The following DPP10 variants were observed in gnomAD, a reference collection of about 807,000 sequenced individuals.
The protein encoded by DPP10 is dipeptidyl peptidase like 10.
In DPP10, 33 loss-of-function variants were observed where a neutral mutation model predicts 120.9. The observed-to-expected ratio is 0.27, with a 90% CI of 0.21 to 0.37. The LOEUF (loss-of-function observed/expected upper bound fraction) is 0.37, where lower values mean the gene tolerates loss of function less well. DPP10 is among the 10% of genes least tolerant of loss of function. DPP10 has a pLI of 1.00. For synonymous variants in DPP10, 337 were observed against 326.1 expected (o/e 1.03, Z -0.36); for missense variants, 816 against 942.8 (o/e 0.87, Z 1.76).
intron 1 of DPP10, among the ~76,000 whole-genome samples, chr2:115,165,908 G>T (rs983812360): frequency 2.6e-5 from 4 of 152,152 alleles, no homozygotes; most frequent in Non-Finnish European, 1.5e-5. Context: ...GACAGCACTT[G>T]TTATGCATTT....
chr2:115,316,020 A>C lies in DPP10; in HGVS notation c.175+6667A>C, dbSNP rs556898277. Among the ~76,000 whole-genome samples the C allele has an allele frequency of 3.3e-4, 51 of 152,330 alleles. 1 individual carries two copies. In the East Asian group the frequency reaches 9.4e-3, roughly 28 times the overall value. On this transcript the variant is annotated intron_variant, in intron 2 of 25. Transcript: ENST00000410059. Reference sequence around the variant, plus strand: ...TTACTCTCATAATGTTAGAGTGTCCAGTCAGATAAATGATGAATTTGGTTT... The same window carrying C: ...TTACTCTCATAATGTTAGAGTGTCCCGTCAGATAAATGATGAATTTGGTTT...
intron 1 of DPP10, among the ~76,000 whole-genome samples, chr2:115,273,025 C>CT (rs113745670): frequency 0.073 from 10,808 of 147,276 alleles, 1,229 homozygotes; most frequent in African/African-American, 0.25. Flanking sequence ...TCAGGAAAAA[C>CT]TTTTTTTTTT....
intron 12 of DPP10, among the ~76,000 whole-genome samples, chr2:115,766,863 C>T (rs1680822669): frequency 2.0e-5 from 3 of 152,150 alleles, no homozygotes; most frequent in African/African-American, 4.8e-5. Context: ...CACTCACTGT[C>T]ATGAGACAGC....
intron 1 of DPP10, among the ~76,000 whole-genome samples, chr2:114,871,902 T>C (rs559831140): frequency 1.3e-5 from 2 of 152,276 alleles, no homozygotes; most frequent in Admixed American, 6.5e-5. Context: ...TAGATTCTCA[T>C]AGGAGTGTGG....
intron 8 of DPP10, among the ~76,000 whole-genome samples, chr2:115,733,593 A>G (rs922900612): frequency 1.5e-5 from 1 of 66,926 alleles, no homozygotes; most frequent in African/African-American, 7.4e-5. Flanking sequence ...GAAAATTGAA[A>G]AAAAAAAAAA....
At chr2:115,240,822 CA>C (rs1469432427) in intron 1 of DPP10, among the ~76,000 whole-genome samples, 2 of 152,104 alleles carry the variant, frequency 1.3e-5, no homozygotes, top group African/African-American at 2.4e-5. Context: ...CTTTATAAGT[CA>C]AAACAAAATA....
intron 5 of DPP10, among the ~76,000 whole-genome samples, chr2:115,527,262 A>G (rs1452113049): frequency 6.6e-6 from 1 of 152,102 alleles, no homozygotes; most frequent in Non-Finnish European, 1.5e-5. Context: ...TGCACAAGCA[A>G]TTTAATGGAG....
chr2:114,718,437 G>C (rs1701497170), intron 1 of DPP10, among the ~76,000 whole-genome samples: 1 of 144,674 alleles, frequency 6.9e-6, no homozygotes. Context: ...TAGTTCCTCA[G>C]TTGTGCTAGC....
rs148693205 is a variant in DPP10, at chr2:114,998,132, A to G, written c.61-311107A>G. On this transcript the variant is annotated intron_variant, in intron 1 of 25. Transcript: ENST00000410059. The stretch of plus-strand genomic sequence containing the variant: ...ACACTTATTTGCACATAAGTACTTA[A>G]CAGCAAAAAAATGTGACATGGTATT... Among the ~76,000 whole-genome samples, 259 of 152,292 alleles carry G rather than the reference A, an allele frequency of 1.7e-3. 6 individuals are homozygous for G. The highest frequency in any genetic ancestry group is 5.9e-3 in the African/African-American group (246 of 41,568).
chr2:115,516,766 G>C (rs564786255), intron 4 of DPP10, among the ~76,000 whole-genome samples: 1 of 151,990 alleles, frequency 6.6e-6, no homozygotes, highest in Admixed American at 6.6e-5. Flanking sequence ...AGTTAACTTA[G>C]AGAATGTTAA....
intron 5 of DPP10, among the ~76,000 whole-genome samples, chr2:115,639,433 G>A (rs751381884): frequency 5.3e-5 from 8 of 152,264 alleles, no homozygotes; most frequent in Admixed American, 2.0e-4. Flanking sequence ...TGCAAACTAG[G>A]AAGACAGTGG....
chr2:115,177,013 T>G (rs1573902211), intron 1 of DPP10, among the ~76,000 whole-genome samples: 1 of 152,270 alleles, frequency 6.6e-6, no homozygotes, highest in African/African-American at 2.4e-5. Context: ...CAAAAATATT[T>G]TAAGACAAAA....
chr2:115,333,820 T>A (rs577054464), intron 2 of DPP10, among the ~76,000 whole-genome samples: 3 of 152,118 alleles, frequency 2.0e-5, no homozygotes, highest in Non-Finnish European at 4.4e-5. Context: ...CTTCCCTTTG[T>A]GGATAACCCG....
chr2:115,818,132 G>A (rs372553573), intron 21 of DPP10, among the ~76,000 whole-genome samples: 1 of 152,070 alleles, frequency 6.6e-6, no homozygotes, highest in Non-Finnish European at 1.5e-5. Context: ...TGAGAGCAAG[G>A]TGCTCTTTAG....
chr2:114,919,947 C>T (rs1310066850), intron 1 of DPP10, among the ~76,000 whole-genome samples: 1 of 152,108 alleles, frequency 6.6e-6, no homozygotes, highest in Non-Finnish European at 1.5e-5. Context: ...TTGCTAACAG[C>T]CTGGGGATCT....
At chr2:115,538,848 A>C (rs1467188108) in intron 5 of DPP10, among the ~76,000 whole-genome samples, 1 of 152,036 alleles carries the variant, frequency 6.6e-6, no homozygotes, top group Non-Finnish European at 1.5e-5. Flanking sequence ...TGAGGTAAAA[A>C]TTGTACTTCC....
intron 1 of DPP10, among the ~76,000 whole-genome samples, chr2:114,925,811 C>T (rs571383159): frequency 6.4e-4 from 97 of 152,216 alleles, no homozygotes; most frequent in Non-Finnish European, 1.2e-3. Flanking sequence ...AGAAGGCTGT[C>T]CTCACATGTG....
chr2:114,487,670 GAAAT>G (rs1681631384), intron 1 of DPP10, among the ~76,000 whole-genome samples: 2 of 152,026 alleles, frequency 1.3e-5, no homozygotes, highest in African/African-American at 4.8e-5. Context: ...ATTTTTATGA[GAAAT>G]AAAAATTTGC....
chr2:115,171,096 C>T (rs984901397), intron 1 of DPP10, among the ~76,000 whole-genome samples: 23 of 152,090 alleles, frequency 1.5e-4, no homozygotes, highest in Admixed American at 5.2e-4. Flanking sequence ...CACAGTGGCT[C>T]GTGCCTGTAA....
Sources: allele counts gnomAD v4.1 joint callset (sites outside exome capture counted in the v4.1 genomes callset), GRCh38; gene constraint gnomAD v4.1.1; transcripts MANE v1.5; gene names NCBI Gene and HGNC (gene_info 2026-07-23, HGNC 2026-07-21).